SGO2: variants seen among roughly 807,000 people sequenced by gnomAD.
SGO2 encodes shugoshin 2.
A neutral mutation model predicts 99.5 loss-of-function variants in SGO2; 68 were observed. That is an observed-to-expected ratio of 0.68 (90% confidence interval 0.56 to 0.84). The LOEUF (loss-of-function observed/expected upper bound fraction) is 0.84, where lower values mean the gene tolerates loss of function less well. Among genes scored for constraint, SGO2 ranks in the 40% least tolerant of loss-of-function variants. The probability of loss-of-function intolerance (pLI) is 0.00; values close to 1 mark genes in which losing one functional copy is unlikely to be tolerated. For synonymous variants in SGO2, 457 were observed against 487.1 expected, an observed-to-expected ratio of 0.94 and a Z score of 0.81; for missense variants, 1,350 against 1,436.7, an observed-to-expected ratio of 0.94 and a Z score of 0.97.
rs779213928 is a variant in SGO2 at position 200,533,055 on chromosome 2, A to G, written c.80A>G (p.Lys27Arg). 2.5e-6 allele frequency: 4 copies of G among 1,604,196 alleles called. No homozygotes were observed. In the African/African-American group the frequency reaches 5.4e-5, roughly 22 times the overall value. Reference protein sequence around the residue: ...KRHLKDKRISKTTKLNVSLAS... With the variant: ...KRHLKDKRISRTTKLNVSLAS... ...CATTTGAAAGACAAAAGAATTTCAA[A>G]GACTACTAAGTTGAATGTTTCTCTT... Residue 27 changes from lysine to arginine, a missense_variant, in exon 2 of 9, where the codon AAG (lysine) becomes AGG (arginine). Coordinates refer to ENST00000357799, the MANE Select transcript of SGO2 (RefSeq NM_152524.6).
intron 8 of SGO2, among the ~76,000 whole-genome samples, chr2:200,578,156 A>ATATAGATATAGATATAGATATAGC (rs2033725181): frequency 6.6e-6 from 1 of 151,350 alleles, no homozygotes; most frequent in African/African-American, 2.4e-5. Flanking sequence ...TTTTCTATAG[A>ATATAGATATAGATATAGATATAGC]TATAGATATA....
At chr2:200,559,270 T>C (rs1464840621) in intron 5 of SGO2, among the ~76,000 whole-genome samples, 2 of 152,214 alleles carry the variant, frequency 1.3e-5, no homozygotes, top group African/African-American at 4.8e-5. Flanking sequence ...TTTGGGTATG[T>C]AGTGAGGTTC....
intron 5 of SGO2, among the ~76,000 whole-genome samples, chr2:200,549,623 C>G (rs571581044): frequency 4.7e-4 from 72 of 152,254 alleles, no homozygotes; most frequent in Admixed American, 2.7e-3. Context: ...CAATGTGATT[C>G]ACCACATTAA....
intron 5 of SGO2, among the ~76,000 whole-genome samples, chr2:200,559,512 G>T (rs962718750): frequency 3.3e-5 from 5 of 151,852 alleles, no homozygotes; most frequent in African/African-American, 1.2e-4. Flanking sequence ...GGGTAGTTTA[G>T]ATTATCAATT....
intron 5 of SGO2, among the ~76,000 whole-genome samples, chr2:200,569,023 CTTA>C (rs1327580553): frequency 6.6e-6 from 1 of 151,678 alleles, no homozygotes; most frequent in African/African-American, 2.4e-5. Context: ...TTTTATTTTT[CTTA>C]TTATAAATTA....
At position 200,542,628 on chromosome 2, in the gene SGO2, G is replaced by GA; in HGVS notation, c.437_438insA (p.Ser146ArgfsTer2). ...TCAGCTAGCAAGAAGAAACGAATTA[G>GA]TAAACAGTGCAAGTTGATGCGTCTT... is the stretch of plus-strand genomic sequence containing the variant. On this transcript the variant is annotated frameshift_variant, in exon 5 of 9. Coordinates refer to ENST00000357799, the MANE Select transcript of SGO2 (RefSeq NM_152524.6). LOFTEE classifies it high-confidence loss of function. The GA allele has an allele frequency of 6.2e-7, 1 of 1,613,040 alleles. No individual in the cohort carries two copies. The highest frequency in any genetic ancestry group is 8.5e-7 in the Non-Finnish European group (1 of 1,179,490).
At chr2:200,531,166 A>G (rs2031359575) in intron 1 of SGO2, among the ~76,000 whole-genome samples, 1 of 152,208 alleles carries the variant, frequency 6.6e-6, no homozygotes, top group Admixed American at 6.5e-5. Flanking sequence ...AACACAGTTG[A>G]TCCCTAACAA....
At chr2:200,542,535 A>G in intron 4 of SGO2, 44 bp from the exon 5 acceptor site, 1 of 1,466,522 alleles carries the variant, frequency 6.8e-7, no homozygotes. Flanking sequence ...AACATGATTT[A>G]ATAAGGTTAG....
At chr2:200,558,365 C>T (rs1046105284) in intron 5 of SGO2, among the ~76,000 whole-genome samples, 3 of 151,906 alleles carry the variant, frequency 2.0e-5, no homozygotes, top group Admixed American at 1.3e-4. Context: ...TTATCAAACG[C>T]TTTTTCTGTC....
chr2:200,569,238 A>G lies in SGO2; in HGVS notation c.474-425A>G, dbSNP rs1021564880. ...TGGATGCCTTTTGGAAACATAGCAA[A>G]CTTATTTCACACATAATTTTATAAA... On this transcript the variant is annotated intron_variant, in intron 5 of 8. Transcript: ENST00000357799. Among the ~76,000 whole-genome samples, 3 of 152,220 alleles carry G rather than the reference A, an allele frequency of 2.0e-5. No individual in the cohort carries two copies. The East Asian group carries it at 5.8e-4, about 29-fold the overall frequency.
At position 200,571,556 on chromosome 2, in the gene SGO2, T is replaced by C. The variant is rs548231604; in HGVS notation, c.1210T>C (p.Ser404Pro). 219 of 1,611,968 alleles carry C rather than the reference T, an allele frequency of 1.4e-4. 2 individuals carry two copies. In the Admixed American group the frequency reaches 3.6e-3, roughly 27 times the overall value. The part of the protein sequence containing the change: ...GMKTFRKVKD[S>P]SSEKKRERSK... ...GAAAACTTTCAGAAAAGTGAAAGAT[T>C]CCAGCTCTGAAAAAAAGAGAGAAAG... Residue 404 changes from serine to proline, a missense_variant, in exon 7 of 9, where the codon TCC becomes CCC. Physicochemically the swap from Ser to Pro is moderately conservative, Grantham distance 74. Coordinates refer to ENST00000357799, the MANE Select transcript of SGO2 (RefSeq NM_152524.6).
intron 8 of SGO2, among the ~76,000 whole-genome samples, chr2:200,581,588 T>A (rs758594036): frequency 6.6e-6 from 1 of 152,150 alleles, no homozygotes; most frequent in African/African-American, 2.4e-5. Flanking sequence ...CCTATGATGA[T>A]CATTCCATAA....
At chr2:200,581,871 G>A (rs1011113411) in intron 8 of SGO2, among the ~76,000 whole-genome samples, 24 of 152,118 alleles carry the variant, frequency 1.6e-4, no homozygotes, top group Admixed American at 1.6e-3. Context: ...TTTAGAATAG[G>A]TACTTCTTTT....
chr2:200,558,741 T>TTTA lies in SGO2; in HGVS notation c.474-10922_474-10921insTTA, dbSNP rs1337050553. ...TTGTGTAGGATTTTTTTTTTTTTTT[T>TTTA]AATGTTTAGAAGTTATCTGGGCCTG... On this transcript the variant is annotated intron_variant, in intron 5 of 8. Transcript: ENST00000357799. Among the ~76,000 whole-genome samples the TTTA allele has an allele frequency of 5.3e-4, 80 of 151,388 alleles. 1 individual carries two copies. Among genetic ancestry groups the TTTA allele is most frequent in the African/African-American group, 1.9e-3 (78 of 41,198 alleles).
At chr2:200,545,964 C>T (rs192754562) in intron 5 of SGO2, among the ~76,000 whole-genome samples, 3 of 152,142 alleles carry the variant, frequency 2.0e-5, no homozygotes, top group African/African-American at 7.2e-5. Flanking sequence ...CCAAAGGAAG[C>T]GCCAAATGAG....
chr2:200,533,134 A>C (rs915968404), intron 2 of SGO2, 26 bp downstream of exon 2: 1 of 1,531,780 alleles, frequency 6.5e-7, no homozygotes, highest in East Asian at 2.3e-5. Context: ...TTTAAAATAC[A>C]CTCACGTTTT....
At chr2:200,532,277 T>TG (rs1467996003) in intron 1 of SGO2, 2 of 388,486 alleles carry the variant, frequency 5.1e-6, no homozygotes, top group African/African-American at 2.5e-5. Flanking sequence ...TTTTTGTTTT[T>TG]TTTTTTGTTT....
At chr2:200,580,769 A>C (rs2033818258) in intron 8 of SGO2, among the ~76,000 whole-genome samples, 1 of 152,212 alleles carries the variant, frequency 6.6e-6, no homozygotes, top group African/African-American at 2.4e-5. Context: ...TGGTAGGTCA[A>C]GGCTGCAGTG....
At chr2:200,582,637 C>G (rs77601126) in intron 8 of SGO2, among the ~76,000 whole-genome samples, 2 of 152,058 alleles carry the variant, frequency 1.3e-5, no homozygotes, top group African/African-American at 4.8e-5. Context: ...CTATAGTGCT[C>G]TGTTGTCTAT....
Sources: allele counts gnomAD v4.1 joint callset (sites outside exome capture counted in the v4.1 genomes callset), GRCh38; gene constraint gnomAD v4.1.1; transcripts MANE v1.5; gene names NCBI Gene and HGNC (gene_info 2026-07-23, HGNC 2026-07-21).